RPS6KA2: variants seen among roughly 807,000 people sequenced by gnomAD.
RPS6KA2 encodes the protein ribosomal protein S6 kinase A2, also known as ribosomal protein S6 kinase alpha-2.
In RPS6KA2, 42 loss-of-function variants were observed where a neutral mutation model predicts 91.8. That is an observed-to-expected ratio of 0.46 (90% confidence interval 0.36 to 0.59). The LOEUF is 0.59. RPS6KA2 is among the 20% of genes least tolerant of loss of function. The pLI, the probability that RPS6KA2 is intolerant of heterozygous loss-of-function variation, is 0.00. For missense variants in RPS6KA2, 798 were observed against 978.5 expected (o/e 0.82, Z 2.46); for synonymous variants, 414 against 393.6 (o/e 1.05, Z -0.61).
chr6:166,694,371 G>A (rs1028470628), intron 2 of RPS6KA2, among the ~76,000 whole-genome samples: 3 of 152,216 alleles, frequency 2.0e-5, no homozygotes, highest in Admixed American at 1.3e-4. Context: ...AGACTCTGTA[G>A]TCTCTTTCTG....
At chr6:166,516,776 T>C (rs553931712) in intron 3 of RPS6KA2, among the ~76,000 whole-genome samples, 1 of 152,174 alleles carries the variant, frequency 6.6e-6, no homozygotes, top group Non-Finnish European at 1.5e-5. Flanking sequence ...GTGCCTCCTC[T>C]TCTGGGTGAA....
At chr6:166,745,991 C>A (rs533761972) in intron 2 of RPS6KA2, among the ~76,000 whole-genome samples, 51 of 152,344 alleles carry the variant, frequency 3.3e-4, no homozygotes, top group African/African-American at 1.2e-3. Flanking sequence ...ATCACTCGCT[C>A]ACATCTGAGC....
In RPS6KA2 at chr6:166,527,489, G is replaced by T. The variant is rs75017305; in HGVS notation, c.298+3743C>A. Among the ~76,000 whole-genome samples, 1,409 of 152,306 alleles carry T rather than the reference G, an allele frequency of 9.3e-3. 17 individuals are homozygous for T. The highest frequency in any genetic ancestry group is 0.032 in the African/African-American group (1,346 of 41,558). On this transcript the variant is annotated intron_variant, in intron 3 of 20. Coordinates refer to ENST00000265678, the MANE Select transcript of RPS6KA2 (RefSeq NM_021135.6). ...TGAGAGCAAATCTCAATGCCTCGAG[G>T]ATGAAAGAGTGGGTTTTAGGAAAGG...
Position 166,433,315 on chromosome 6 carries a change from G to A in RPS6KA2, c.1333-825C>T, listed in dbSNP as rs965365266. Among the ~76,000 whole-genome samples, 2 of 151,806 alleles carry A rather than the reference G, an allele frequency of 1.3e-5. No individual in the cohort carries two copies. The highest frequency in any genetic ancestry group is 3.9e-4 in the East Asian group (2 of 5,162). The stretch of plus-strand genomic sequence containing the variant: ...CCTCCCCCGCCCAGCATCTGTATCC[G>A]ATGTCTTAGGATAACAGATAAAGTT... On this transcript the variant is annotated intron_variant, in intron 14 of 20. Transcript: ENST00000265678. The surrounding 1 kb of genome is among the most constrained non-coding windows in gnomAD (Gnocchi z 4.4).
intron 11 of RPS6KA2, among the ~76,000 whole-genome samples, chr6:166,465,720 A>G (rs1031102789): frequency 6.6e-6 from 1 of 151,340 alleles, no homozygotes; most frequent in African/African-American, 2.4e-5. Context: ...GGCCACTTTC[A>G]CTGTGCACAA....
chr6:166,624,309 A>G (rs1243208390), intron 1 of RPS6KA2, among the ~76,000 whole-genome samples: 1 of 152,268 alleles, frequency 6.6e-6, no homozygotes, highest in Non-Finnish European at 1.5e-5. Flanking sequence ...GTTTCCTATT[A>G]TAAAACAAGT....
At chr6:166,673,121 T>C (rs1167347721) in intron 2 of RPS6KA2, among the ~76,000 whole-genome samples, 1 of 152,122 alleles carries the variant, frequency 6.6e-6, no homozygotes, top group Non-Finnish European at 1.5e-5. Flanking sequence ...AGAACCTCAG[T>C]CTCCCGCTGC....
intron 2 of RPS6KA2, among the ~76,000 whole-genome samples, chr6:166,800,541 G>A (rs1187535480): frequency 6.6e-6 from 1 of 152,184 alleles, no homozygotes; most frequent in Non-Finnish European, 1.5e-5. Context: ...CCTGTCATGT[G>A]AGGACACAGC....
rs58796308 is a variant in RPS6KA2 at position 166,550,994 on chromosome 6, C to CAAAAAAAAAA, written c.100-12220_100-12211dup. 1.4e-3 allele frequency among the ~76,000 whole-genome samples: 152 copies of CAAAAAAAAAA among 106,294 alleles called. 1 individual carries two copies. Among genetic ancestry groups the CAAAAAAAAAA allele is most frequent in the East Asian group, 2.3e-3 (7 of 3,110 alleles). The allele number at this position is 106,294 out of a possible 152,430, so 69.7% of individuals were successfully genotyped here. A position where few individuals can be genotyped will look rare whatever the true frequency, so the allele number is the denominator to read the frequency against. Reference sequence around the variant, plus strand: ...CTGGCAACAGAGCCGGACTCTATCTCAAAAAAAAAAAAAAAAAGAACGTGA... The same window carrying CAAAAAAAAAA: ...CTGGCAACAGAGCCGGACTCTATCTCAAAAAAAAAAAAAAAAAAAAAAAAAAAGAACGTGA... On this transcript the variant is annotated intron_variant, in intron 1 of 20. Transcript: ENST00000265678.
chr6:166,712,492 TC>T (rs1789892028), intron 2 of RPS6KA2, among the ~76,000 whole-genome samples: 1 of 152,258 alleles, frequency 6.6e-6, no homozygotes, highest in African/African-American at 2.4e-5. Context: ...TTGCAGCTAT[TC>T]CTTTCATTAT....
chr6:166,500,984 C>T lies in RPS6KA2; in HGVS notation c.567-60G>A, dbSNP rs903738973. The T allele has an allele frequency of 3.8e-5, 58 of 1,533,024 alleles. 1 individual carries two copies. Among genetic ancestry groups the T allele is most frequent in the East Asian group, 1.6e-4 (7 of 44,368 alleles). The allele number at this position is 1,533,024 out of a possible 1,614,324, so 95.0% of individuals were successfully genotyped here. ...AAGAGACCCAGCCTGCCGACGGGCA[C>T]GCAGAGCTCAGAGGAGAGCTGCGGG... On this transcript the variant is annotated intron_variant, in intron 6 of 20. Coordinates refer to ENST00000265678, the MANE Select transcript of RPS6KA2 (RefSeq NM_021135.6). This position sits in a 1 kb window ranked among gnomAD's most constrained non-coding sequence, Gnocchi z 4.3.
At chr6:166,734,609 T>C (rs1790622911) in intron 2 of RPS6KA2, among the ~76,000 whole-genome samples, 1 of 152,164 alleles carries the variant, frequency 6.6e-6, no homozygotes, top group African/African-American at 2.4e-5. Flanking sequence ...GTTAAGAAAG[T>C]CAATGAATTT....
chr6:166,507,844 C>T (rs941035262), intron 5 of RPS6KA2, among the ~76,000 whole-genome samples: 4 of 150,178 alleles, frequency 2.7e-5, no homozygotes, highest in Non-Finnish European at 5.9e-5. Flanking sequence ...ACTCACATTC[C>T]CACACACCAT....
intron 2 of RPS6KA2, chr6:166,702,101 G>A (rs1789540541): frequency 1.4e-6 from 2 of 1,468,444 alleles, no homozygotes; most frequent in Middle Eastern, 1.8e-4. Flanking sequence ...GATAGTAATC[G>A]ACTTCTCAGC....
chr6:166,577,308 C>T (rs774130062), intron 1 of RPS6KA2, among the ~76,000 whole-genome samples: 2 of 152,128 alleles, frequency 1.3e-5, no homozygotes, highest in African/African-American at 2.4e-5. Context: ...GGCCACCATC[C>T]TCCAGACCCC....
At chr6:166,583,733 CG>C (rs1785089944) in intron 1 of RPS6KA2, among the ~76,000 whole-genome samples, 1 of 152,202 alleles carries the variant, frequency 6.6e-6, no homozygotes. Flanking sequence ...TGGCAGAAGA[CG>C]TATCTCACTT....
chr6:166,816,429 C>G (rs909621010), intron 2 of RPS6KA2, among the ~76,000 whole-genome samples: 6 of 150,060 alleles, frequency 4.0e-5, no homozygotes, highest in Non-Finnish European at 3.0e-5. Context: ...GTGGCACACA[C>G]CTGTGATCCC....
intron 8 of RPS6KA2, among the ~76,000 whole-genome samples, chr6:166,497,599 G>A (rs1325166833): frequency 1.3e-5 from 2 of 152,256 alleles, no homozygotes; most frequent in Non-Finnish European, 2.9e-5. Flanking sequence ...AGTGACCCAA[G>A]TGGCAAAGGA....
In RPS6KA2 at chr6:166,805,848, C is replaced by T. The variant is rs73266891; in HGVS notation, c.123+52352G>A. Among the ~76,000 whole-genome samples the T allele has an allele frequency of 4.9e-3, 717 of 146,654 alleles. 9 individuals are homozygous for T. The highest frequency in any genetic ancestry group is 0.018 in the African/African-American group (668 of 36,298). On this transcript the variant is annotated intron_variant, in intron 2 of 21. Transcript: ENST00000503859. The stretch of plus-strand genomic sequence containing the variant: ...CTTTAAAACAACAGTCTTAAAGATG[C>T]TTGAAGAACTAAAGGAAGACATGGA...
Sources: gnomAD v4.1 joint callset for allele counts (sites outside exome capture counted in the v4.1 genomes callset) on GRCh38, gnomAD v4.1.1 for gene constraint, Gnocchi (gnomAD v3.1) non-coding constraint, MANE v1.5 for transcripts, NCBI Gene and HGNC (gene_info 2026-07-23, HGNC 2026-07-21) for gene names.